The following TENM3 variants were observed in gnomAD, a reference collection of about 807,000 sequenced individuals.
The protein encoded by TENM3 is teneurin transmembrane protein 3.
In TENM3, 63 loss-of-function variants were observed where a neutral mutation model predicts 255.1. That is an observed-to-expected ratio of 0.25 (90% confidence interval 0.20 to 0.30). TENM3 has a LOEUF of 0.30. Among genes scored for constraint, TENM3 ranks in the 10% least tolerant of loss-of-function variants. The pLI is 1.00. For missense variants in TENM3, 2,929 were observed against 3,461.1 expected, an observed-to-expected ratio of 0.85 and a Z score of 3.86; for synonymous variants, 1,306 against 1,322.3, an observed-to-expected ratio of 0.99 and a Z score of 0.27.
At chr4:182,597,197 G>A (rs1424505373) in intron 3 of TENM3, among the ~76,000 whole-genome samples, 2 of 151,630 alleles carry the variant, frequency 1.3e-5, no homozygotes, top group African/African-American at 2.4e-5. Context: ...GAGCCCAGGA[G>A]TTCAAGACTG....
intron 16 of TENM3, among the ~76,000 whole-genome samples, chr4:182,732,028 A>T (rs371877067): frequency 6.6e-6 from 1 of 151,834 alleles, no homozygotes; most frequent in East Asian, 1.9e-4. Context: ...TGATCCGCCC[A>T]CCTTGACCTC....
At chr4:182,218,219 A>G (rs1212786441) in intron 1 of TENM3, among the ~76,000 whole-genome samples, 1 of 152,162 alleles carries the variant, frequency 6.6e-6, no homozygotes, top group Non-Finnish European at 1.5e-5. Flanking sequence ...TCCTGCCTCC[A>G]TGCAGCAGTG....
chr4:182,182,406 C>T (rs1249458924), intron 1 of TENM3, among the ~76,000 whole-genome samples: 1 of 151,986 alleles, frequency 6.6e-6, no homozygotes, highest in African/African-American at 2.4e-5. Context: ...GGTGATGAGG[C>T]ACAGAAAATA....
intron 5 of TENM3, among the ~76,000 whole-genome samples, chr4:182,651,102 AG>A (rs1464952374): frequency 6.6e-6 from 1 of 152,128 alleles, no homozygotes; most frequent in Admixed American, 6.5e-5. Flanking sequence ...TTATGTTAAA[AG>A]ATCACAATGA....
chr4:181,474,596 G>T, the TENM3 span, among the ~76,000 whole-genome samples: 1 of 151,972 alleles, frequency 6.6e-6, no homozygotes, highest in Non-Finnish European at 1.5e-5. Context: ...TTAGCAGGGT[G>T]TGGTGGCGGG....
chr4:182,532,500 G>A (rs1739872093), intron 3 of TENM3, among the ~76,000 whole-genome samples: 1 of 152,136 alleles, frequency 6.6e-6, no homozygotes, highest in Non-Finnish European at 1.5e-5. Flanking sequence ...ATGGCTTTCA[G>A]TTTTTCAATT....
chr4:182,634,360 T>G (rs1180735772), intron 5 of TENM3, among the ~76,000 whole-genome samples: 1 of 152,044 alleles, frequency 6.6e-6, no homozygotes, highest in Non-Finnish European at 1.5e-5. Flanking sequence ...CCTATTAGGA[T>G]AGAGGAGCAA....
chr4:182,595,400 G>C (rs1747108673), intron 3 of TENM3, among the ~76,000 whole-genome samples: 1 of 152,116 alleles, frequency 6.6e-6, no homozygotes, highest in African/African-American at 2.4e-5. Flanking sequence ...TGTACACCAT[G>C]ATCCAGGTTC....
intron 3 of TENM3, among the ~76,000 whole-genome samples, chr4:182,547,903 A>G (rs1038115070): frequency 1.3e-5 from 2 of 151,890 alleles, no homozygotes; most frequent in Admixed American, 6.6e-5. Context: ...TTCTAACCCA[A>G]TCATTTGCCA....
chr4:182,391,743 G>A (rs1768438897), intron 3 of TENM3, among the ~76,000 whole-genome samples: 1 of 152,198 alleles, frequency 6.6e-6, no homozygotes, highest in African/African-American at 2.4e-5. Context: ...CTGCATGGAA[G>A]AAACAATTGG....
chr4:181,721,076 C>G, the TENM3 span, among the ~76,000 whole-genome samples: 14 of 150,594 alleles, frequency 9.3e-5, no homozygotes, highest in East Asian at 2.8e-3. Context: ...GAATTTATGA[C>G]TGATGAATAG....
At chr4:181,943,217 T>C in the TENM3 span, among the ~76,000 whole-genome samples, 1 of 152,150 alleles carries the variant, frequency 6.6e-6, no homozygotes, top group Non-Finnish European at 1.5e-5. Context: ...ATAGAAGATT[T>C]ATAGATTAAT....
the TENM3 span, among the ~76,000 whole-genome samples, chr4:181,650,570 CCTG>C: frequency 1.3e-5 from 2 of 152,136 alleles, no homozygotes; most frequent in Non-Finnish European, 2.9e-5. Context: ...TTCCTTGTCA[CCTG>C]TAATTCTGCA....
At chr4:181,794,511 G>A in the TENM3 span, among the ~76,000 whole-genome samples, 3 of 152,026 alleles carry the variant, frequency 2.0e-5, no homozygotes, top group Non-Finnish European at 4.4e-5. Flanking sequence ...GACTTTTTTA[G>A]ATTCCACATA....
intron 3 of TENM3, among the ~76,000 whole-genome samples, chr4:182,354,999 C>T (rs1765424454): frequency 6.6e-6 from 1 of 152,180 alleles, no homozygotes; most frequent in African/African-American, 2.4e-5. Context: ...CGTCTAGAAG[C>T]TCACAGGGTG....
At chr4:182,719,192 A>G (rs1355051937) in intron 13 of TENM3, among the ~76,000 whole-genome samples, 1 of 151,952 alleles carries the variant, frequency 6.6e-6, no homozygotes, top group African/African-American at 2.4e-5. Context: ...TGGAATACCA[A>G]AGCATAACTC....
chr4:182,327,107 T>TG (rs1309402417), intron 2 of TENM3, among the ~76,000 whole-genome samples: 42 of 152,176 alleles, frequency 2.8e-4, no homozygotes, highest in Admixed American at 2.5e-3. Context: ...TAATGAGAAA[T>TG]CCTTCCAGGC....
intron 3 of TENM3, among the ~76,000 whole-genome samples, chr4:182,534,905 GA>G (rs1740144927): frequency 6.6e-6 from 1 of 152,214 alleles, no homozygotes; most frequent in South Asian, 2.1e-4. Flanking sequence ...AGATGTGCCA[GA>G]TTACAAAATG....
the TENM3 span, among the ~76,000 whole-genome samples, chr4:181,914,312 A>G: frequency 6.6e-6 from 1 of 152,008 alleles, no homozygotes; most frequent in Non-Finnish European, 1.5e-5. Context: ...ATACCTCCTA[A>G]TCTCTACCAA....
Sources: gnomAD v4.1 joint callset for allele counts (sites outside exome capture counted in the v4.1 genomes callset) on GRCh38, gnomAD v4.1.1 for gene constraint, MANE v1.5 for transcripts, NCBI Gene and HGNC (gene_info 2026-07-23, HGNC 2026-07-21) for gene names.